Variants in PCDHA4 observed in about 807,000 individuals in gnomAD.
PCDHA4 encodes the protein protocadherin alpha-4.
PCDHA4 carries 49 observed loss-of-function variants against 61.4 expected under a neutral mutation model. That is an observed-to-expected ratio of 0.80 (90% CI 0.63 to 1.01). The LOEUF is 1.01. Ranked by LOEUF, PCDHA4 falls within the 50% of genes least tolerant of loss-of-function variation. PCDHA4 has a pLI of 0.00. For missense variants in PCDHA4, 1,254 were observed against 1,235.8 expected, an observed-to-expected ratio of 1.01 and a Z score of -0.22; for synonymous variants, 590 against 550.3, an observed-to-expected ratio of 1.07 and a Z score of -1.01.
intron 1 of PCDHA4, chr5:140,827,867 C>T (rs1298214398): frequency 1.1e-5 from 7 of 615,614 alleles, no homozygotes; most frequent in Non-Finnish European, 1.7e-5. Context: ...TATGGTATAG[C>T]ACTGTTACGT....
chr5:140,978,702 T>G (rs1200035752), intron 1 of PCDHA4, among the ~76,000 whole-genome samples: 2 of 152,252 alleles, frequency 1.3e-5, no homozygotes, highest in Non-Finnish European at 2.9e-5. Context: ...AAGCCAAAGG[T>G]GGCCTTTACA....
chr5:140,823,925 A>C (rs2150130360), intron 1 of PCDHA4: 1 of 1,613,820 alleles, frequency 6.2e-7, no homozygotes, highest in East Asian at 2.2e-5. Context: ...CTGCTGCTGT[A>C]CACCGCGCTG....
chr5:140,961,054 T>C (rs1290831214), intron 1 of PCDHA4, among the ~76,000 whole-genome samples: 2 of 152,136 alleles, frequency 1.3e-5, no homozygotes, highest in African/African-American at 4.8e-5. Context: ...AACAAAATGT[T>C]GAATGGGATA....
intron 1 of PCDHA4, chr5:140,841,973 G>T (rs2150326625): frequency 4.8e-5 from 77 of 1,613,744 alleles, no homozygotes; most frequent in Non-Finnish European, 6.3e-5. Flanking sequence ...CACAGATGGG[G>T]GCAAACCTGA....
In PCDHA4 at chr5:140,999,778, T is replaced by G. The variant is rs1252583642; in HGVS notation, c.2534-9849T>G. On this transcript the variant is annotated intron_variant, in intron 3 of 3. Coordinates refer to ENST00000530339, the MANE Select transcript of PCDHA4 (RefSeq NM_018907.4). ...ACATGATGTCTTTATACTCTTAACC[T>G]AGAAATGGCAGAGTTATTTTGGGCA... 3.0e-4 allele frequency among the ~76,000 whole-genome samples: 46 copies of G among 152,162 alleles called. 1 individual carries two copies.
intron 1 of PCDHA4, chr5:140,877,431 C>A: frequency 1.2e-6 from 2 of 1,613,836 alleles, no homozygotes; most frequent in Non-Finnish European, 1.7e-6. Flanking sequence ...TGGTGAAGGA[C>A]CACGGTGAGC....
intron 1 of PCDHA4, among the ~76,000 whole-genome samples, chr5:140,941,207 C>CTTCCTTTCTT (rs1563185091): frequency 3.9e-5 from 4 of 103,272 alleles, no homozygotes; most frequent in African/African-American, 1.7e-4. Context: ...TTCTTCCTTT[C>CTTCCTTTCTT]TTTCTTCCTT....
chr5:140,823,974 G>A, intron 1 of PCDHA4: 1 of 1,614,122 alleles, frequency 6.2e-7, no homozygotes, highest in African/African-American at 1.3e-5. Context: ...TGTGCACACG[G>A]GGCAAGCCCA....
In PCDHA4 at chr5:140,900,299, G is replaced by T. The variant is rs1042472528; in HGVS notation, c.2386-78650G>T. ...CCACACTTTCTTTTCTGTTTTTTTA[G>T]ACAGTCTCACTTTTGTCGCCCAGGC... On this transcript the variant is annotated intron_variant, in intron 1 of 3. Coordinates refer to ENST00000530339, the MANE Select transcript of PCDHA4 (RefSeq NM_018907.4). 2.0e-5 allele frequency among the ~76,000 whole-genome samples: 3 copies of T among 151,604 alleles called. No homozygotes were observed. The East Asian group carries it at 5.8e-4, about 29-fold the overall frequency.
intron 1 of PCDHA4, among the ~76,000 whole-genome samples, chr5:140,965,508 T>C (rs1278735339): frequency 6.6e-6 from 1 of 152,124 alleles, no homozygotes; most frequent in Non-Finnish European, 1.5e-5. Context: ...TTTTTTTTTT[T>C]TTTAACTGCA....
intron 1 of PCDHA4, chr5:140,823,494 C>T (rs782300400): frequency 1.9e-6 from 3 of 1,613,266 alleles, no homozygotes; most frequent in Non-Finnish European, 2.5e-6. Flanking sequence ...GTGGCACCGG[C>T]GGCGCAGTGA....
In PCDHA4 at chr5:140,822,812, C is replaced by T. The variant is rs2150119563; in HGVS notation, c.2385+13240C>T. 1.3e-5 allele frequency: 21 copies of T among 1,613,956 alleles called. No homozygotes were observed. The East Asian group carries it at 2.5e-4, about 19-fold the overall frequency. On this transcript the variant is annotated intron_variant, in intron 1 of 3. Coordinates refer to ENST00000530339, the MANE Select transcript of PCDHA4 (RefSeq NM_018907.4). ...AAACTCCTGGATGTGAATGATAATACCCCAGAGATGGCCATAACCACCCTT... is the reference window on the plus strand; with the variant it reads ...AAACTCCTGGATGTGAATGATAATATCCCAGAGATGGCCATAACCACCCTT...
intron 1 of PCDHA4, chr5:140,875,768 G>C (rs997656321): frequency 6.2e-7 from 1 of 1,614,144 alleles, no homozygotes; most frequent in African/African-American, 1.3e-5. Flanking sequence ...TGCGGGCGGA[G>C]CGCGGAGTGC....
In PCDHA4 at chr5:140,856,006, T is replaced by C. The variant is rs782149074; in HGVS notation, c.2385+46434T>C. ...AAAATGTCAGATCGTATGTGCGTTC[T>C]AGACCGCTGATTCGTCGATTTGTAA... is the stretch of plus-strand genomic sequence containing the variant. On this transcript the variant is annotated intron_variant, in intron 1 of 3. Coordinates refer to ENST00000530339, the MANE Select transcript of PCDHA4 (RefSeq NM_018907.4). The C allele has an allele frequency of 9.1e-6, 14 of 1,540,444 alleles. No individual in the cohort carries two copies. The African/African-American group carries it at 1.4e-4, about 15-fold the overall frequency.
At chr5:140,995,682 T>A (rs566340825) in intron 3 of PCDHA4, among the ~76,000 whole-genome samples, 28 of 152,312 alleles carry the variant, frequency 1.8e-4, no homozygotes, top group East Asian at 9.6e-4. Context: ...GCATTTTTTT[T>A]AATTGTTAAA....
chr5:140,878,333 G>C (rs947043628), intron 1 of PCDHA4, among the ~76,000 whole-genome samples: 4 of 152,000 alleles, frequency 2.6e-5, no homozygotes, highest in Admixed American at 6.5e-5. Flanking sequence ...TATATTCCAG[G>C]TATTATCACA....
chr5:140,823,553 T>C lies in PCDHA4; in HGVS notation c.2385+13981T>C, dbSNP rs2150126826. The C allele has an allele frequency of 5.6e-6, 9 of 1,613,782 alleles. No homozygotes were observed. Among genetic ancestry groups the C allele is most frequent in the Non-Finnish European group, 6.8e-6 (8 of 1,179,888 alleles). On this transcript the variant is annotated intron_variant, in intron 1 of 3. Coordinates refer to ENST00000530339, the MANE Select transcript of PCDHA4 (RefSeq NM_018907.4). Reference sequence around the variant, plus strand: ...GGTGCGGGCCACGTGGTGGCGAAGGTGCGCGCAGTGGACCCTGATTCGGGC... The same window carrying C: ...GGTGCGGGCCACGTGGTGGCGAAGGCGCGCGCAGTGGACCCTGATTCGGGC...
intron 3 of PCDHA4, 100 bp from the exon 4 acceptor site, chr5:141,009,527 G>A: frequency 6.6e-7 from 1 of 1,507,930 alleles, no homozygotes; most frequent in South Asian, 1.4e-5. Context: ...TTTCTGGGGA[G>A]GTTCAGCCTG....
chr5:141,011,325 A>G lies in PCDHA4; in HGVS notation c.*1388A>G, dbSNP rs533115888. 1 of 153,778 alleles carries G rather than the reference A, an allele frequency of 6.5e-6. No individual in the cohort carries two copies. Among genetic ancestry groups the G allele is most frequent in the African/African-American group, 2.4e-5 (1 of 41,456 alleles). 9.5% of individuals were successfully genotyped at this position (153,778 alleles called of 1,614,324 possible). On this transcript the variant is annotated 3_prime_UTR_variant, in exon 4 of 4. Transcript: ENST00000530339. ...TGAATTGCTAATCTTACTAACACCTATGATGTTACCTGAAATCAATCTCCC... is the reference window on the plus strand; with the variant it reads ...TGAATTGCTAATCTTACTAACACCTGTGATGTTACCTGAAATCAATCTCCC...
Sources: gnomAD v4.1 joint callset for allele counts (sites outside exome capture counted in the v4.1 genomes callset) on GRCh38, gnomAD v4.1.1 for gene constraint, MANE v1.5 for transcripts, NCBI Gene and HGNC (gene_info 2026-07-23, HGNC 2026-07-21) for gene names.